The following SPO11 variants were observed in gnomAD, a reference collection of about 807,000 sequenced individuals.
SPO11 encodes the protein SPO11 initiator of meiotic double strand breaks.
A neutral mutation model predicts 51.6 loss-of-function variants in SPO11; 49 were observed. That is an observed-to-expected ratio of 0.95 (90% CI 0.75 to 1.20). The LOEUF is 1.20. Ranked by LOEUF, SPO11 falls within the 50% of genes most tolerant of loss-of-function variation. The pLI is 0.00. For synonymous variants in SPO11, 176 were observed against 158.2 expected (o/e 1.11, Z -0.84); for missense variants, 431 against 473.4 (o/e 0.91, Z 0.83).
At chr20:57,333,781 C>T (rs999739974) in intron 4 of SPO11, 28 bp downstream of exon 4, 1 of 1,265,760 alleles carries the variant, frequency 7.9e-7, no homozygotes, top group African/African-American at 1.5e-5. Context: ...GTAAATTACT[C>T]TTCAAAATGT....
At chr20:57,338,084 A>G (rs528340718) in intron 8 of SPO11, among the ~76,000 whole-genome samples, 192 bp from the exon 9 acceptor site, 1 of 152,206 alleles carries the variant, frequency 6.6e-6, no homozygotes, top group South Asian at 2.1e-4. Flanking sequence ...ACGGGGTTTC[A>G]CCACGTTGGC....
chr20:57,342,713 A>G lies in SPO11; in HGVS notation c.960-16A>G, dbSNP rs2066597693. On this transcript the variant is annotated splice_polypyrimidine_tract_variant and intron_variant, in intron 11 of 12. Coordinates refer to ENST00000371263, the MANE Select transcript of SPO11 (RefSeq NM_012444.3). ...AAACACTTTTTTACTGATTTTTTTC[A>G]CCTACTTTTTTCCAGATTAAATGTA... The G allele has an allele frequency of 6.5e-7, 1 of 1,534,228 alleles. No homozygotes were observed. The highest frequency in any genetic ancestry group is 1.1e-5 in the South Asian group (1 of 87,610).
intron 7 of SPO11, 69 bp downstream of exon 7, chr20:57,335,524 G>A (rs1052718069): frequency 6.7e-7 from 1 of 1,488,874 alleles, no homozygotes; most frequent in Admixed American, 1.9e-5. Flanking sequence ...CCTTTGGTAA[G>A]CCAAGCCTTC....
At chr20:57,335,243 G>A (rs981185676) in intron 6 of SPO11, among the ~76,000 whole-genome samples, 176 bp from the exon 7 acceptor site, 1 of 152,162 alleles carries the variant, frequency 6.6e-6, no homozygotes, top group Non-Finnish European at 1.5e-5. Context: ...ATTGCTGTGA[G>A]TCATGTGCCG....
chr20:57,330,622 A>T (rs913191532), intron 1 of SPO11, among the ~76,000 whole-genome samples: 1 of 152,238 alleles, frequency 6.6e-6, no homozygotes, highest in Non-Finnish European at 1.5e-5. Flanking sequence ...AGAAAACATG[A>T]CTACGTTATT....
chr20:57,333,154 T>C, intron 2 of SPO11, 34 bp from the exon 3 acceptor site: 1 of 1,532,696 alleles, frequency 6.5e-7, no homozygotes, highest in East Asian at 2.3e-5. Flanking sequence ...GTTGTCTTTT[T>C]CACTTTTTTC....
intron 10 of SPO11, 88 bp downstream of exon 10, chr20:57,339,114 A>C (rs947196130): frequency 1.5e-5 from 13 of 892,238 alleles, no homozygotes; most frequent in Non-Finnish European, 2.0e-5. Flanking sequence ...ATCACCCCCA[A>C]GCAGGCTGAG....
At chr20:57,335,687 C>T in intron 7 of SPO11, 111 bp from the exon 8 acceptor site, 1 of 734,558 alleles carries the variant, frequency 1.4e-6, no homozygotes. Flanking sequence ...AAGGTACAAA[C>T]TAAAATGTTG....
chr20:57,339,541 A>T (rs1210894383), intron 10 of SPO11, among the ~76,000 whole-genome samples: 1 of 152,162 alleles, frequency 6.6e-6, no homozygotes, highest in Non-Finnish European at 1.5e-5. Flanking sequence ...CCCCATCCAG[A>T]ACTACTGAGC....
chr20:57,330,053 C>T (rs2066426547), intron 1 of SPO11, 55 bp downstream of exon 1: 22 of 1,506,368 alleles, frequency 1.5e-5, no homozygotes, highest in Middle Eastern at 4.2e-4. Flanking sequence ...AAGTCGGGCG[C>T]TCTTCCTGGC....
In SPO11 at chr20:57,334,011, A is replaced by G; in HGVS notation, c.426A>G (p.Gln142=). ...TKRDIYYTDS[Q]LFGNQTVVDN... The stretch of plus-strand genomic sequence containing the variant: ...GGGACATATATTACACTGACAGTCA[A>G]CTCTTTGGTAACCAGACTGTCGTCG... Residue 142 remains glutamine (Q), a synonymous_variant, in exon 5 of 13, where the codon CAA becomes CAG. Transcript: ENST00000371263. 3.8e-6 allele frequency: 6 copies of G among 1,580,814 alleles called. No individual in the cohort carries two copies. The highest frequency in any genetic ancestry group is 5.2e-6 in the Non-Finnish European group (6 of 1,163,062).
At position 57,333,741 on chromosome 20, in the gene SPO11, A is replaced by C. The variant is rs748746060; in HGVS notation, c.389A>C (p.Tyr130Ser). The change falls in exon 4 of 13, where the codon TAT (tyrosine) becomes TCT (serine). Residue 130 changes from tyrosine to serine, a missense_variant. By Grantham distance (144) the Tyr-to-Ser change is moderately radical (BLOSUM62 -2). Coordinates refer to ENST00000371263, the MANE Select transcript of SPO11 (RefSeq NM_012444.3). Reference sequence around the variant, plus strand: ...TATAAATTAGTACAGAGCAACACTTATGCAACCAAAAGGTAAATATATTGT... The same window carrying C: ...TATAAATTAGTACAGAGCAACACTTCTGCAACCAAAAGGTAAATATATTGT... ...MIYKLVQSNT[Y>S]ATKRDIYYTD... 1 of 1,478,944 alleles carries C rather than the reference A, an allele frequency of 6.8e-7. No individual in the cohort carries two copies. The allele number at this position is 1,478,944 out of a possible 1,614,324, so 91.6% of individuals were successfully genotyped here. A position where few individuals can be genotyped will look rare whatever the true frequency, so the allele number is the denominator to read the frequency against.
rs1478087538 is a variant in SPO11 at position 57,329,914 on chromosome 20, T to G, written c.47T>G (p.Leu16Trp). The change falls in exon 1 of 13, where the codon TTG becomes TGG. Residue 16 changes from leucine (L) to tryptophan (W), a missense_variant. Physicochemically the swap from Leu to Trp is moderately conservative, Grantham distance 61. This residue lies in a region of SPO11 where 405 missense variants were observed against 425.9 expected (regional missense o/e 0.95). Coordinates refer to ENST00000371263, the MANE Select transcript of SPO11 (RefSeq NM_012444.3). ...MGPEASFFDV[L>W]DRHRESLLAA... is the part of the protein sequence containing the mutation. ...CCCGAGGCCTCGTTCTTCGACGTTT[T>G]GGACCGACACAGGGAGTCCCTGCTG... 5.0e-6 allele frequency: 8 copies of G among 1,613,786 alleles called. No individual in the cohort carries two copies. The African/African-American group carries it at 8.0e-5, about 16-fold the overall frequency.
Position 57,335,443 on chromosome 20 carries a change from C to G in SPO11, c.622C>G (p.Gln208Glu). 6.2e-7 allele frequency: 1 copy of G among 1,610,294 alleles called. No homozygotes were observed. The highest frequency in any genetic ancestry group is 8.5e-7 in the Non-Finnish European group (1 of 1,178,826). The change falls in exon 7 of 13, where the codon CAA becomes GAA. Residue 208 changes from glutamine to glutamate, a missense_variant. Physicochemically the swap from Gln to Glu is conservative, Grantham distance 29. This residue lies in a region of SPO11 where 405 missense variants were observed against 425.9 expected (regional missense o/e 0.95). Coordinates refer to ENST00000371263, the MANE Select transcript of SPO11 (RefSeq NM_012444.3). ...ATAVAVPSNI[Q>E]GIRNLVTDAK... Reference sequence around the variant, plus strand: ...GGCTGTTGCTGTGCCATCGAATATTCAAGGAATTCGGAGTATCCTTTAAGT... The same window carrying G: ...GGCTGTTGCTGTGCCATCGAATATTGAAGGAATTCGGAGTATCCTTTAAGT...
In SPO11 at chr20:57,338,281, G is replaced by A. The variant is rs2066537420; in HGVS notation, c.750G>A (p.Lys250=). Residue 250 remains lysine (K), a synonymous_variant, in exon 9 of 13, where the codon AAG becomes AAA. Transcript: ENST00000371263. ...KLSPCIMITG[K]GVPDLNTRLL... is the part of the protein sequence containing the mutation. Reference sequence around the variant, plus strand: ...AATTTTCATCTTCCTTTTAGGGAAAGGGAGTTCCTGATCTAAACACAAGAC... The same window carrying A: ...AATTTTCATCTTCCTTTTAGGGAAAAGGAGTTCCTGATCTAAACACAAGAC... 1 of 1,606,368 alleles carries A rather than the reference G, an allele frequency of 6.2e-7. No homozygotes were observed. Among genetic ancestry groups the A allele is most frequent in the Admixed American group, 1.7e-5 (1 of 59,128 alleles).
At position 57,333,983 on chromosome 20, in the gene SPO11, A is replaced by G; in HGVS notation, c.402-4A>G. 1 of 1,493,168 alleles carries G rather than the reference A, an allele frequency of 6.7e-7. No homozygotes were observed. Among genetic ancestry groups the G allele is most frequent in the Non-Finnish European group, 9.1e-7 (1 of 1,100,690 alleles). 92.5% of individuals were successfully genotyped at this position (1,493,168 alleles called of 1,614,324 possible). A position where few individuals can be genotyped will look rare whatever the true frequency, so the allele number is the denominator to read the frequency against. On this transcript the variant is annotated splice_region_variant and splice_polypyrimidine_tract_variant and intron_variant, in intron 4 of 12. Transcript: ENST00000371263. ...TTAAAAATATGTATTTTAAATTTTC[A>G]TAGGGACATATATTACACTGACAGT... is the stretch of plus-strand genomic sequence containing the variant.
intron 11 of SPO11, among the ~76,000 whole-genome samples, chr20:57,341,184 C>T (rs1040598360): frequency 6.6e-6 from 1 of 152,150 alleles, no homozygotes; most frequent in Admixed American, 6.5e-5. Context: ...TCTAGATGTG[C>T]TAGTGTTTAT....
chr20:57,335,459 T>C lies in SPO11; in HGVS notation c.634+4T>C, dbSNP rs780342271. On this transcript the variant is annotated splice_donor_region_variant and intron_variant, in intron 7 of 12. Transcript: ENST00000371263. ...TCGAATATTCAAGGAATTCGGAGTA[T>C]CCTTTAAGTGGGAAAACTATTTAAA... 4 of 1,610,004 alleles carry C rather than the reference T, an allele frequency of 2.5e-6. No homozygotes were observed. Among genetic ancestry groups the C allele is most frequent in the Non-Finnish European group, 8.5e-7 (1 of 1,178,778 alleles).
Position 57,331,900 on chromosome 20 carries a change from G to C in SPO11, c.199G>C (p.Ala67Pro). 1.9e-6 allele frequency: 3 copies of C among 1,605,330 alleles called. No homozygotes were observed. Among genetic ancestry groups the C allele is most frequent in the Non-Finnish European group, 2.6e-6 (3 of 1,176,106 alleles). ...DIITSLARNE[A>P]PAFTIDNRSS... is the part of the protein sequence containing the mutation. ...AATCACAAGCTTGGCAAGAAATGAA[G>C]CACCTGCATTCACGATAGACAACAG... is the stretch of plus-strand genomic sequence containing the variant. The change falls in exon 2 of 13, where the codon GCA (alanine) becomes CCA (proline). Residue 67 changes from alanine to proline, a missense_variant. Coordinates refer to ENST00000371263, the MANE Select transcript of SPO11 (RefSeq NM_012444.3).
Sources: gnomAD v4.1 joint callset for allele counts (sites outside exome capture counted in the v4.1 genomes callset) on GRCh38, gnomAD v4.1.1 for gene constraint, gnomAD v4.1.1 regional missense constraint, MANE v1.5 for transcripts, NCBI Gene and HGNC (gene_info 2026-07-23, HGNC 2026-07-21) for gene names.